The following SEC22A variants were observed in gnomAD, a reference collection of about 807,000 sequenced individuals.
SEC22A encodes the protein SEC22 homolog A, vesicle trafficking protein.
A neutral mutation model predicts 35.3 loss-of-function variants in SEC22A; 22 were observed. The observed-to-expected ratio is 0.62, with a 90% CI of 0.45 to 0.89. SEC22A has a LOEUF of 0.89. Among genes scored for constraint, SEC22A ranks in the 40% least tolerant of loss-of-function variants. SEC22A has a pLI of 0.00. For missense variants in SEC22A, 354 were observed against 362.5 expected, an observed-to-expected ratio of 0.98 and a Z score of 0.19; for synonymous variants, 119 against 129.5, an observed-to-expected ratio of 0.92 and a Z score of 0.55.
At chr3:123,237,605 C>A (rs935487894) in intron 4 of SEC22A, among the ~76,000 whole-genome samples, 5 of 152,222 alleles carry the variant, frequency 3.3e-5, no homozygotes, top group East Asian at 1.9e-4. Context: ...TCTAATAGTT[C>A]TAATTCCATG....
chr3:123,244,297 G>A (rs1287446022), intron 4 of SEC22A, among the ~76,000 whole-genome samples: 1 of 152,144 alleles, frequency 6.6e-6, no homozygotes, highest in Non-Finnish European at 1.5e-5. Flanking sequence ...GGGCGGAAGT[G>A]GGGGAATCTC....
chr3:123,252,891 T>A (rs1486249830), intron 5 of SEC22A, among the ~76,000 whole-genome samples: 2 of 152,170 alleles, frequency 1.3e-5, no homozygotes, highest in African/African-American at 4.8e-5. Flanking sequence ...TATTTTGGAG[T>A]CCACAGTAAT....
chr3:123,227,344 C>T (rs192438288), intron 4 of SEC22A, among the ~76,000 whole-genome samples: 1 of 152,262 alleles, frequency 6.6e-6, no homozygotes, highest in African/African-American at 2.4e-5. Flanking sequence ...AAGTCAGCAA[C>T]TGTGTGTCCT....
chr3:123,223,557 A>G lies in SEC22A; in HGVS notation c.183-2A>G, dbSNP rs1289588455. 5.0e-6 allele frequency: 8 copies of G among 1,608,904 alleles called. No individual in the cohort carries two copies. Among genetic ancestry groups the G allele is most frequent in the Admixed American group, 3.4e-5 (2 of 59,230 alleles). On this transcript the variant is annotated splice_acceptor_variant, in intron 2 of 6. Coordinates refer to ENST00000492595, the MANE Select transcript of SEC22A (RefSeq NM_012430.5). LOFTEE classifies it high-confidence loss of function. The stretch of plus-strand genomic sequence containing the variant: ...TTAAAACCAATGTTTTTTACACTGT[A>G]GTTTTATTAGCTCTCTGGGAGTGAG...
intron 4 of SEC22A, among the ~76,000 whole-genome samples, chr3:123,234,898 C>G (rs1042798161): frequency 6.6e-6 from 1 of 152,034 alleles, no homozygotes; most frequent in Non-Finnish European, 1.5e-5. Context: ...TGGCGCACGC[C>G]TGTAGTCCCA....
At chr3:123,203,053 C>CTGTTTTTTTTT (rs1936780384) in intron 1 of SEC22A, among the ~76,000 whole-genome samples, 1 of 43,822 alleles carries the variant, frequency 2.3e-5, no homozygotes, top group Non-Finnish European at 3.9e-5. Context: ...TGTTTAGTGC[C>CTGTTTTTTTTT]TTTTTTTTTT....
chr3:123,233,806 T>C (rs968024440), intron 4 of SEC22A, among the ~76,000 whole-genome samples: 22 of 152,236 alleles, frequency 1.4e-4, no homozygotes, highest in Non-Finnish European at 1.5e-5. Context: ...GATGTCTGCT[T>C]ACACTACTTC....
At chr3:123,212,344 A>G (rs1183493799) in intron 2 of SEC22A, among the ~76,000 whole-genome samples, 1 of 152,136 alleles carries the variant, frequency 6.6e-6, no homozygotes, top group African/African-American at 2.4e-5. Flanking sequence ...GTCTCAACCT[A>G]CTTCTATTTT....
chr3:123,252,773 G>A (rs1215557846), intron 5 of SEC22A, among the ~76,000 whole-genome samples: 1 of 152,212 alleles, frequency 6.6e-6, no homozygotes, highest in South Asian at 2.1e-4. Flanking sequence ...GCCTCACAGG[G>A]TGATAGCAAG....
At chr3:123,213,733 G>A (rs934598841) in intron 2 of SEC22A, among the ~76,000 whole-genome samples, 4 of 152,220 alleles carry the variant, frequency 2.6e-5, no homozygotes, top group South Asian at 2.1e-4. Context: ...TCAAATTTGT[G>A]TAGAAATTGA....
chr3:123,263,925 C>CTT (rs200151212), intron 6 of SEC22A, among the ~76,000 whole-genome samples: 8 of 137,154 alleles, frequency 5.8e-5, no homozygotes, highest in East Asian at 2.2e-4. Flanking sequence ...TGATTTGTTC[C>CTT]TTTTTTTTTT....
chr3:123,228,713 G>A (rs1206249951), intron 4 of SEC22A, among the ~76,000 whole-genome samples: 1 of 151,952 alleles, frequency 6.6e-6, no homozygotes, highest in African/African-American at 2.4e-5. Context: ...CTTCAAAGTA[G>A]TCATTATAAT....
At chr3:123,231,315 A>T (rs1937321390) in intron 4 of SEC22A, among the ~76,000 whole-genome samples, 1 of 152,228 alleles carries the variant, frequency 6.6e-6, no homozygotes, top group Non-Finnish European at 1.5e-5. Flanking sequence ...CCAGTGAGAC[A>T]TAACAGACAT....
chr3:123,258,776 G>GA (rs983113318), intron 5 of SEC22A, among the ~76,000 whole-genome samples: 3 of 149,062 alleles, frequency 2.0e-5, no homozygotes, highest in Admixed American at 6.6e-5. Flanking sequence ...CTGCCTGGAA[G>GA]AAAAAAAAAT....
intron 1 of SEC22A, among the ~76,000 whole-genome samples, chr3:123,204,979 C>T (rs2108022075): frequency 6.6e-6 from 1 of 152,274 alleles, no homozygotes. Context: ...CTTAAAGATA[C>T]TTTAACCTAG....
chr3:123,212,951 G>A (rs1310058754), intron 2 of SEC22A, among the ~76,000 whole-genome samples: 1 of 152,126 alleles, frequency 6.6e-6, no homozygotes, highest in African/African-American at 2.4e-5. Flanking sequence ...TCCTGTTATT[G>A]AGACCAGAAG....
At chr3:123,235,374 T>C (rs1282721632) in intron 4 of SEC22A, among the ~76,000 whole-genome samples, 1 of 152,216 alleles carries the variant, frequency 6.6e-6, no homozygotes, top group African/African-American at 2.4e-5. Context: ...GAGAAAGGAT[T>C]GGACTAGGCA....
intron 5 of SEC22A, among the ~76,000 whole-genome samples, chr3:123,254,842 T>A (rs1937684460): frequency 6.6e-6 from 1 of 152,112 alleles, no homozygotes; most frequent in African/African-American, 2.4e-5. Context: ...CATTAACTCG[T>A]CATTTACATT....
At chr3:123,227,874 A>G (rs1365144578) in intron 4 of SEC22A, among the ~76,000 whole-genome samples, 1 of 150,950 alleles carries the variant, frequency 6.6e-6, no homozygotes, top group African/African-American at 2.4e-5. Flanking sequence ...GCTTGAATCC[A>G]GGAGGCAGAG....
Sources: gnomAD v4.1 joint callset for allele counts (sites outside exome capture counted in the v4.1 genomes callset) on GRCh38, gnomAD v4.1.1 for gene constraint, MANE v1.5 for transcripts, NCBI Gene and HGNC (gene_info 2026-07-23, HGNC 2026-07-21) for gene names.